ASRGL1: variants seen among roughly 807,000 people sequenced by gnomAD.
ASRGL1 encodes the protein asparaginase and isoaspartyl peptidase 1.
ASRGL1 carries 16 observed loss-of-function variants against 22.4 expected under a neutral mutation model. The ratio of observed to expected loss-of-function variants is 0.71; its 90% CI spans 0.48 to 1.08. The LOEUF (loss-of-function observed/expected upper bound fraction) is 1.08, where lower values mean the gene tolerates loss of function less well. Ranked by LOEUF, ASRGL1 falls within the 50% of genes least tolerant of loss-of-function variation. The probability of loss-of-function intolerance (pLI) is 0.00; values close to 1 mark genes in which losing one functional copy is unlikely to be tolerated. For synonymous variants in ASRGL1, 165 were observed against 159.3 expected, an observed-to-expected ratio of 1.04 and a Z score of -0.27; for missense variants, 412 against 410.1, an observed-to-expected ratio of 1.00 and a Z score of -0.04.
At chr11:62,376,647 G>A (rs185582318) in intron 4 of ASRGL1, among the ~76,000 whole-genome samples, 2 of 152,188 alleles carry the variant, frequency 1.3e-5, no homozygotes, top group African/African-American at 4.8e-5. Context: ...ACTCCTTACT[G>A]TCTCCCCCTT....
intron 4 of ASRGL1, chr11:62,371,766 C>A (rs944053256): frequency 4.0e-6 from 2 of 494,380 alleles, no homozygotes; most frequent in African/African-American, 3.9e-5. Context: ...TCCTGGCTAA[C>A]ACGGTGAAAC....
At chr11:62,342,968 A>T (rs1945904740) in intron 2 of ASRGL1, among the ~76,000 whole-genome samples, 1 of 152,224 alleles carries the variant, frequency 6.6e-6, no homozygotes. Context: ...GGGCCATTAT[A>T]AATAAAATCA....
At chr11:62,355,416 G>A (rs1355821909) in intron 2 of ASRGL1, among the ~76,000 whole-genome samples, 1 of 149,614 alleles carries the variant, frequency 6.7e-6, no homozygotes, top group African/African-American at 2.5e-5. Flanking sequence ...TAGTAGAGAC[G>A]GGGTTTCACA....
rs1370734820 is a variant in ASRGL1, at chr11:62,391,537, C to A, written c.626C>A (p.Ala209Asp). The A allele has an allele frequency of 1.2e-6, 2 of 1,611,208 alleles. No individual in the cohort carries two copies. Among genetic ancestry groups the A allele is most frequent in the South Asian group, 1.1e-5 (1 of 90,378 alleles). ...DSPCLGAGGY[A>D]DNDIGAVSTT... ...TTTTGAGCAGGAGCTGGAGGTTATG[C>A]CGACAATGACATCGGAGCCGTCTCA... The change falls in exon 6 of 7, where the codon GCC (alanine) becomes GAC (aspartate). Residue 209 changes from alanine (A) to aspartate (D), a missense_variant. By Grantham distance (126) the Ala-to-Asp change is moderately radical. Coordinates refer to ENST00000415229, the MANE Select transcript of ASRGL1 (RefSeq NM_001083926.2).
intron 2 of ASRGL1, among the ~76,000 whole-genome samples, chr11:62,350,533 C>T (rs988100566): frequency 6.6e-6 from 1 of 152,200 alleles, no homozygotes; most frequent in Non-Finnish European, 1.5e-5. Context: ...CAGTGGCTCA[C>T]GCCTGTAATG....
At chr11:62,390,118 C>G (rs2134703214) in intron 5 of ASRGL1, among the ~76,000 whole-genome samples, 1 of 152,282 alleles carries the variant, frequency 6.6e-6, no homozygotes, top group African/African-American at 2.4e-5. Flanking sequence ...TTTCTTTCTC[C>G]TTGGCAAAAA....
downstream of ASRGL1, among the ~76,000 whole-genome samples, chr11:62,394,115 A>G (rs546916021): frequency 4.5e-3 from 628 of 139,420 alleles, 9 homozygotes; most frequent in African/African-American, 0.016. Context: ...ATTATAATTT[A>G]CATATATATT....
chr11:62,371,175 G>T, intron 4 of ASRGL1: 1 of 1,228,182 alleles, frequency 8.1e-7, no homozygotes, highest in South Asian at 1.7e-5. Flanking sequence ...GGGAGGAGCT[G>T]AGCTCGGGCA....
intron 2 of ASRGL1, among the ~76,000 whole-genome samples, chr11:62,352,452 G>A (rs1027288839): frequency 6.6e-6 from 1 of 152,076 alleles, no homozygotes; most frequent in Non-Finnish European, 1.5e-5. Context: ...CGGGTATGGT[G>A]GCGCACCTGT....
At chr11:62,399,354 G>A in the ASRGL1 span, among the ~76,000 whole-genome samples, 14 of 152,182 alleles carry the variant, frequency 9.2e-5, no homozygotes, top group Non-Finnish European at 1.6e-4. Flanking sequence ...GTTCTCACTT[G>A]GACTCGTGTA....
Position 62,389,222 on chromosome 11 carries a change from T to C in ASRGL1, c.581T>C (p.Val194Ala). 1 of 1,614,104 alleles carries C rather than the reference T, an allele frequency of 6.2e-7. No homozygotes were observed. The highest frequency in any genetic ancestry group is 8.5e-7 in the Non-Finnish European group (1 of 1,180,018). ...ACAGGCGGTATCGTTAATAAAATGG[T>C]CGGCCGCGTTGGGGACTCACCGTGT... ...TSTGGIVNKM[V>A]GRVGDSPCLG... The change falls in exon 5 of 7, where the codon GTC becomes GCC. Residue 194 changes from valine (V) to alanine (A), a missense_variant. Physicochemically the swap from Val to Ala is moderately conservative, Grantham distance 64 (BLOSUM62 0). Transcript: ENST00000415229.
intron 2 of ASRGL1, among the ~76,000 whole-genome samples, chr11:62,347,610 C>T (rs66605721): frequency 2.1e-5 from 3 of 145,744 alleles, no homozygotes; most frequent in Non-Finnish European, 3.1e-5. Context: ...ACCCAATCTT[C>T]GGTTGAAAAT....
chr11:62,372,722 C>A, intron 4 of ASRGL1: 1 of 1,434,778 alleles, frequency 7.0e-7, no homozygotes, highest in Non-Finnish European at 9.8e-7. Context: ...ATGAGATGGT[C>A]CCCCGCCTGG....
At chr11:62,351,638 G>A (rs1465839228) in intron 2 of ASRGL1, among the ~76,000 whole-genome samples, 1 of 144,628 alleles carries the variant, frequency 6.9e-6, no homozygotes, top group African/African-American at 2.6e-5. Flanking sequence ...CGACAAGGGT[G>A]AAACTCATCT....
chr11:62,391,963 C>A (rs1202079306), intron 6 of ASRGL1, 116 bp from the exon 7 acceptor site: 7 of 1,201,500 alleles, frequency 5.8e-6, no homozygotes, highest in Non-Finnish European at 6.1e-6. Context: ...AGCATTCAGG[C>A]GTTCATTTAC....
chr11:62,371,253 G>C, intron 4 of ASRGL1: 1 of 1,322,826 alleles, frequency 7.6e-7, no homozygotes, highest in African/African-American at 1.6e-5. Flanking sequence ...AGCCTCCCGA[G>C]CGCTGCAGTA....
At chr11:62,365,071 A>G (rs1402116582) in intron 4 of ASRGL1, among the ~76,000 whole-genome samples, 1 of 151,388 alleles carries the variant, frequency 6.6e-6, no homozygotes, top group Non-Finnish European at 1.5e-5. Flanking sequence ...CCATCTCAAA[A>G]AAAAAAAAAA....
At chr11:62,348,629 G>A (rs1946091777) in intron 2 of ASRGL1, among the ~76,000 whole-genome samples, 1 of 152,014 alleles carries the variant, frequency 6.6e-6, no homozygotes, top group Non-Finnish European at 1.5e-5. Context: ...CTTGAACCTG[G>A]GAGATGGAGG....
At chr11:62,396,298 C>G (rs1253855398), downstream of ASRGL1, among the ~76,000 whole-genome samples, 1 of 151,966 alleles carries the variant, frequency 6.6e-6, no homozygotes, top group Non-Finnish European at 1.5e-5. Flanking sequence ...TGGCTGCATC[C>G]AGAATGTAAA....
Sources: allele counts gnomAD v4.1 joint callset (sites outside exome capture counted in the v4.1 genomes callset), GRCh38; gene constraint gnomAD v4.1.1; transcripts MANE v1.5; gene names NCBI Gene and HGNC (gene_info 2026-07-23, HGNC 2026-07-21).